The following TMEM229B variants were observed in gnomAD, a reference collection of about 807,000 sequenced individuals.
TMEM229B encodes the protein chromosome 14 open reading frame 83.
Under a neutral mutation model 13.7 loss-of-function variants are expected in TMEM229B, and 6 were observed. The ratio of observed to expected loss-of-function variants is 0.44; its 90% CI spans 0.24 to 0.86. The LOEUF is 0.86. Among genes scored for constraint, TMEM229B ranks in the 40% least tolerant of loss-of-function variants. The pLI, the probability that TMEM229B is intolerant of heterozygous loss-of-function variation, is 0.23. For synonymous variants in TMEM229B, 107 were observed against 102.1 expected (o/e 1.05, Z -0.29); for missense variants, 170 against 236.0 (o/e 0.72, Z 1.83).
At chr14:67,512,244 G>T (rs559749890) in intron 1 of TMEM229B, among the ~76,000 whole-genome samples, 1 of 152,254 alleles carries the variant, frequency 6.6e-6, no homozygotes, top group African/African-American at 2.4e-5. Context: ...CAAACCAAAA[G>T]TGCCCCCCTC....
chr14:67,528,629 C>A (rs1223171748), intron 1 of TMEM229B, among the ~76,000 whole-genome samples: 3 of 152,198 alleles, frequency 2.0e-5, no homozygotes, highest in Non-Finnish European at 4.4e-5. Context: ...TCCACCAGCT[C>A]CCAACTCAGG....
chr14:67,499,024 A>T (rs1423717768), intron 1 of TMEM229B, among the ~76,000 whole-genome samples: 2 of 99,686 alleles, frequency 2.0e-5, no homozygotes, highest in Non-Finnish European at 4.6e-5. Context: ...AATTTTAGAA[A>T]CAAGGTCTTG....
intron 1 of TMEM229B, among the ~76,000 whole-genome samples, chr14:67,514,316 G>A (rs1046800935): frequency 8.5e-5 from 13 of 152,140 alleles, no homozygotes; most frequent in Non-Finnish European, 1.8e-4. Flanking sequence ...CATAGAAAGA[G>A]GGAAAGGAAG....
intron 1 of TMEM229B, among the ~76,000 whole-genome samples, chr14:67,498,459 CT>C (rs1310489678): frequency 6.6e-6 from 1 of 152,176 alleles, no homozygotes; most frequent in Non-Finnish European, 1.5e-5. Flanking sequence ...TTATTTCTTT[CT>C]CCTTTAGAGT....
chr14:67,484,447 A>G (rs555207016), intron 2 of TMEM229B, among the ~76,000 whole-genome samples: 2 of 152,208 alleles, frequency 1.3e-5, no homozygotes, highest in Admixed American at 6.5e-5. Flanking sequence ...CTAGCATTTA[A>G]TTTTTTTTCT....
upstream of TMEM229B, among the ~76,000 whole-genome samples, chr14:67,492,135 C>A (rs1033559228): frequency 6.6e-6 from 1 of 152,146 alleles, no homozygotes; most frequent in African/African-American, 2.4e-5. Context: ...TCTCAAAGTC[C>A]CCCACTGAGC....
intron 1 of TMEM229B, among the ~76,000 whole-genome samples, chr14:67,509,684 A>G (rs2032961655): frequency 6.6e-6 from 1 of 152,090 alleles, no homozygotes. Flanking sequence ...CATTTGGTCT[A>G]TTATCTGATC....
At chr14:67,532,606 C>T (rs531505561) in intron 1 of TMEM229B, among the ~76,000 whole-genome samples, 1 of 152,260 alleles carries the variant, frequency 6.6e-6, no homozygotes, top group South Asian at 2.1e-4. Flanking sequence ...ATACATAAGC[C>T]GGCCTGGAGG....
chr14:67,489,261 G>T (rs2032054027), upstream of TMEM229B, among the ~76,000 whole-genome samples: 1 of 152,122 alleles, frequency 6.6e-6, no homozygotes, highest in Admixed American at 6.5e-5. Flanking sequence ...CCAAACATTT[G>T]ATTCAAATCC....
chr14:67,474,403 C>A (rs1044053151), intron 2 of TMEM229B, among the ~76,000 whole-genome samples: 1 of 152,194 alleles, frequency 6.6e-6, no homozygotes, highest in Non-Finnish European at 1.5e-5. Flanking sequence ...GTTGAAGAGT[C>A]GGCTGGCCTG....
intron 1 of TMEM229B, chr14:67,533,275 G>C (rs893797357): frequency 5.3e-5 from 8 of 151,892 alleles, no homozygotes; most frequent in Non-Finnish European, 1.2e-4. Flanking sequence ...CCCTGCTGCC[G>C]GGGAGGGGAG....
Position 67,528,373 on chromosome 14 carries a change from T to C in TMEM229B, c.-192+5263A>G, listed in dbSNP as rs1043318047. On this transcript the variant is annotated intron_variant, in intron 1 of 2. Transcript: ENST00000554278. ...TCTGACAGGCCTGGGTTTCCTTGGCTTCTTGGAGCCCTAGTCTCTCCCCAC... is the reference window on the plus strand; with the variant it reads ...TCTGACAGGCCTGGGTTTCCTTGGCCTCTTGGAGCCCTAGTCTCTCCCCAC... Among the ~76,000 whole-genome samples, 4 of 152,278 alleles carry C rather than the reference T, an allele frequency of 2.6e-5. No individual in the cohort carries two copies. The South Asian group carries it at 8.3e-4, about 32-fold the overall frequency.
rs1445243794 is a variant in TMEM229B at position 67,471,854 on chromosome 14, A to T, written c.*1566T>A. 6.6e-6 allele frequency: 1 copy of T among 152,308 alleles called. No homozygotes were observed. Among genetic ancestry groups the T allele is most frequent in the Non-Finnish European group, 1.5e-5 (1 of 68,094 alleles). The allele number at this position is 152,308 out of a possible 1,614,324, so 9.4% of individuals were successfully genotyped here. A position where few individuals can be genotyped will look rare whatever the true frequency, so the allele number is the denominator to read the frequency against. ...ATACCGTCACTTTGTAATGATCCATAAAAAGGGGAAGGCTAATTTCTACCT... is the reference window on the plus strand; with the variant it reads ...ATACCGTCACTTTGTAATGATCCATTAAAAGGGGAAGGCTAATTTCTACCT... On this transcript the variant is annotated 3_prime_UTR_variant, in exon 3 of 3. Coordinates refer to ENST00000554480, the MANE Select transcript of TMEM229B (RefSeq NM_001348543.2).
At position 67,473,311 on chromosome 14, in the gene TMEM229B, G is replaced by T; in HGVS notation, c.*109C>A. 6.8e-7 allele frequency: 1 copy of T among 1,470,032 alleles called. No individual in the cohort carries two copies. Among genetic ancestry groups the T allele is most frequent in the Non-Finnish European group, 9.2e-7 (1 of 1,081,190 alleles). 91.1% of individuals were successfully genotyped at this position (1,470,032 alleles called of 1,614,324 possible). A position where few individuals can be genotyped will look rare whatever the true frequency, so the allele number is the denominator to read the frequency against. On this transcript the variant is annotated 3_prime_UTR_variant, in exon 3 of 3. Transcript: ENST00000554480. This position sits in a 1 kb window ranked among gnomAD's most constrained non-coding sequence, Gnocchi z 6.5. ...GCTCTGTGTGCCCTATAGGGCTGAG[G>T]CTTGGCCGGAGCAGGGCTTTTGCTG...
At position 67,470,834 on chromosome 14, in the gene TMEM229B, G is replaced by C. The variant is rs2030665925; in HGVS notation, c.*2586C>G. The C allele has an allele frequency of 6.6e-6, 1 of 152,664 alleles. No homozygotes were observed. The highest frequency in any genetic ancestry group is 2.1e-4 in the South Asian group (1 of 4,824). 9.5% of individuals were successfully genotyped at this position (152,664 alleles called of 1,614,324 possible). Reference sequence around the variant, plus strand: ...GATGCTGCCATGTCTAGTGGAGAGAGGCCCAGGACACCAGAGGTTCATGAA... The same window carrying C: ...GATGCTGCCATGTCTAGTGGAGAGACGCCCAGGACACCAGAGGTTCATGAA... On this transcript the variant is annotated 3_prime_UTR_variant, in exon 3 of 3. Transcript: ENST00000554480.
intron 1 of TMEM229B, among the ~76,000 whole-genome samples, chr14:67,508,240 C>T (rs1001916043): frequency 6.6e-6 from 1 of 152,026 alleles, no homozygotes; most frequent in Non-Finnish European, 1.5e-5. Flanking sequence ...CTTCTTTCTC[C>T]TTCAACACCA....
Position 67,473,902 on chromosome 14 carries a change from T to A in TMEM229B, c.22A>T (p.Thr8Ser). Residue 8 changes from threonine (T) to serine (S), a missense_variant, in exon 3 of 3, where the codon ACG (threonine) becomes TCG (serine). Physicochemically the swap from Thr to Ser is moderately conservative, Grantham distance 58 (BLOSUM62 1). Around this residue, in one of 4 missense-constraint regions of TMEM229B, gnomAD observed 36 missense variants for 83.8 expected, o/e 0.43. Coordinates refer to ENST00000554480, the MANE Select transcript of TMEM229B (RefSeq NM_001348543.2). This position sits in a 1 kb window ranked among gnomAD's most constrained non-coding sequence, Gnocchi z 6.5. ...TACAGGTACCAGCGGGACAGCGCCG[T>A]CAGGGGCTCGGCAGACGCCATGGCG... MASAEPL[T>S]ALSRWYLYAI... 6.2e-7 allele frequency: 1 copy of A among 1,607,026 alleles called. No individual in the cohort carries two copies. Among genetic ancestry groups the A allele is most frequent in the Non-Finnish European group, 8.5e-7 (1 of 1,177,050 alleles).
At chr14:67,501,849 A>C (rs2032623171) in intron 1 of TMEM229B, among the ~76,000 whole-genome samples, 2 of 152,244 alleles carry the variant, frequency 1.3e-5, no homozygotes. Flanking sequence ...CCACTAATCA[A>C]GCACATTCAC....
chr14:67,530,548 G>C (rs1365359043), intron 1 of TMEM229B, among the ~76,000 whole-genome samples: 1 of 152,204 alleles, frequency 6.6e-6, no homozygotes, highest in East Asian at 1.9e-4. Context: ...TCCTAGAGTG[G>C]TTAGTTAGCA....
Sources: gnomAD v4.1 joint callset for allele counts (sites outside exome capture counted in the v4.1 genomes callset) on GRCh38, gnomAD v4.1.1 for gene constraint, gnomAD v4.1.1 regional missense constraint, Gnocchi (gnomAD v3.1) non-coding constraint, MANE v1.5 for transcripts, NCBI Gene and HGNC (gene_info 2026-07-23, HGNC 2026-07-21) for gene names.